The following RHBDF1 variants were observed in gnomAD, a reference collection of about 807,000 sequenced individuals.
RHBDF1 encodes the protein inactive rhomboid protein 1.
Under a neutral mutation model 98.6 loss-of-function variants are expected in RHBDF1, and 80 were observed. The ratio of observed to expected loss-of-function variants is 0.81; its 90% CI spans 0.68 to 0.98. The LOEUF (loss-of-function observed/expected upper bound fraction) is 0.98. Ranked by LOEUF, RHBDF1 falls within the 50% of genes least tolerant of loss-of-function variation. The pLI is 0.00. For missense variants in RHBDF1, 1,116 were observed against 1,198.3 expected, an observed-to-expected ratio of 0.93 and a Z score of 1.01; for synonymous variants, 512 against 486.8, an observed-to-expected ratio of 1.05 and a Z score of -0.68.
At chr16:66,895 G>A (rs1419745715) in intron 1 of RHBDF1, among the ~76,000 whole-genome samples, 1 of 152,194 alleles carries the variant, frequency 6.6e-6, no homozygotes, top group Non-Finnish European at 1.5e-5. Flanking sequence ...GGACAGAAAG[G>A]CATCCTAACT....
chr16:61,052 G>C (rs1897593715), intron 11 of RHBDF1, 68 bp downstream of exon 11: 1 of 1,466,266 alleles, frequency 6.8e-7, no homozygotes, highest in African/African-American at 1.4e-5. Flanking sequence ...ACTCTGCCGA[G>C]TCTATCTGAG....
chr16:59,225 G>A (rs376331993), intron 16 of RHBDF1, 24 bp downstream of exon 16: 209 of 1,591,104 alleles, frequency 1.3e-4, no homozygotes, highest in Non-Finnish European at 1.7e-4. Flanking sequence ...TGAGACCCCC[G>A]ACCCGGCCCA....
rs137863529 is a variant in RHBDF1 at position 67,052 on chromosome 16, G to A, written c.-24-2013C>T. ...GGGGTCACAGCTAGACTTCCTCATC[G>A]TCCCCCAGCCCTCCCTCCACAGGGT... On this transcript the variant is annotated intron_variant, in intron 1 of 17. Coordinates refer to ENST00000262316, the MANE Select transcript of RHBDF1 (RefSeq NM_022450.5). Among the ~76,000 whole-genome samples the A allele has an allele frequency of 4.3e-3, 648 of 152,220 alleles. 6 individuals carry two copies. Among genetic ancestry groups the A allele is most frequent in the African/African-American group, 0.014 (599 of 41,532 alleles).
In RHBDF1 at chr16:63,741, C is replaced by T. The variant is rs745876843; in HGVS notation, c.308G>A (p.Arg103His). ...CTGGCTGCAGTGACGGATGCTCTTG[C>T]GCTGCCATTTCTGGGTGCTGTCACT... ...KDSDSTQKWQ[R>H]KSIRHCSQRY... The change falls in exon 4 of 18, where the codon CGC (arginine) becomes CAC (histidine). Residue 103 changes from arginine (R) to histidine (H), a missense_variant. Transcript: ENST00000262316. 20 of 1,613,718 alleles carry T rather than the reference C, an allele frequency of 1.2e-5. No homozygotes were observed. Among genetic ancestry groups the T allele is most frequent in the East Asian group, 6.7e-5 (3 of 44,892 alleles).
At chr16:71,222 C>T (rs1897960340) in intron 1 of RHBDF1, among the ~76,000 whole-genome samples, 1 of 152,198 alleles carries the variant, frequency 6.6e-6, no homozygotes, top group African/African-American at 2.4e-5. Context: ...CAACGGAGGC[C>T]ACCCAGCCAG....
At chr16:72,637 A>G (rs1372556751), upstream of RHBDF1, 7 of 936,434 alleles carry the variant, frequency 7.5e-6, no homozygotes, top group Non-Finnish European at 8.6e-6. Context: ...AATGCCCTGG[A>G]GCGAGGGGCG....
At chr16:62,932 C>T (rs1447991087) in intron 5 of RHBDF1, 35 bp from the exon 6 acceptor site, 2 of 1,612,864 alleles carry the variant, frequency 1.2e-6, no homozygotes, top group South Asian at 2.2e-5. Flanking sequence ...GACCCGGCTG[C>T]TGGGTCGGCC....
In RHBDF1 at chr16:60,204, A is replaced by G; in HGVS notation, c.1722+12T>C. 4 of 1,613,826 alleles carry G rather than the reference A, an allele frequency of 2.5e-6. No individual in the cohort carries two copies. Among genetic ancestry groups the G allele is most frequent in the Non-Finnish European group, 3.4e-6 (4 of 1,179,892 alleles). On this transcript the variant is annotated intron_variant, in intron 13 of 17. Coordinates refer to ENST00000262316, the MANE Select transcript of RHBDF1 (RefSeq NM_022450.5). ...CGGAGGGCTCCCTAACAACCCCCCC[A>G]CTGCAGCTCACCGGCCACTTGGTGA...
At chr16:58,846 T>C in intron 17 of RHBDF1, 87 bp from the exon 18 acceptor site, 3 of 1,556,640 alleles carry the variant, frequency 1.9e-6, no homozygotes, top group South Asian at 1.2e-5. Flanking sequence ...CCACTTCCCA[T>C]GGCCCAGAGC....
At chr16:72,894 T>C (rs12925705), upstream of RHBDF1, among the ~76,000 whole-genome samples, 1 of 152,114 alleles carries the variant, frequency 6.6e-6, no homozygotes, top group African/African-American at 2.4e-5. Context: ...TGGCTCCAGA[T>C]TGAGGCTTGA....
upstream of RHBDF1, chr16:74,081 A>T: frequency 3.2e-6 from 1 of 316,842 alleles, no homozygotes; most frequent in Non-Finnish European, 4.6e-6. Flanking sequence ...GGTGGAGGGT[A>T]ACTCCACCAG....
At chr16:70,192 G>T (rs1454068233) in intron 1 of RHBDF1, among the ~76,000 whole-genome samples, 3 of 152,248 alleles carry the variant, frequency 2.0e-5, no homozygotes, top group Admixed American at 2.0e-4. Flanking sequence ...GGGGATGGCA[G>T]CAAGGACTTA....
In RHBDF1 at chr16:60,958, G is replaced by A. The variant is rs566580317; in HGVS notation, c.1557+162C>T. ...ACGGGGCGAGGAGCTGGAGATGGGG[G>A]AGGGTGGGGATGAGGAGGAATGAAT... On this transcript the variant is annotated intron_variant, in intron 11 of 17. Coordinates refer to ENST00000262316, the MANE Select transcript of RHBDF1 (RefSeq NM_022450.5). 27 of 722,662 alleles carry A rather than the reference G, an allele frequency of 3.7e-5. No individual in the cohort carries two copies. The African/African-American group carries it at 4.8e-4, about 13-fold the overall frequency. The allele number at this position is 722,662 out of a possible 1,614,324, so 44.8% of individuals were successfully genotyped here.
Position 63,023 on chromosome 16 carries a change from G to A in RHBDF1, c.622C>T (p.Arg208Ter), listed in dbSNP as rs1190170318. 5.6e-6 allele frequency: 9 copies of A among 1,612,090 alleles called. No homozygotes were observed. The highest frequency in any genetic ancestry group is 1.6e-4 in the Middle Eastern group (1 of 6,080). The change falls in exon 5 of 18, where the codon CGA becomes TGA. Residue 208 changes from arginine (R) to a stop codon, truncating the protein, a stop_gained. Transcript: ENST00000262316. LOFTEE classifies it high-confidence loss of function. ...AAGCTCATCTTGGCCACCGACTCTC[G>A]CTTGCGCCGCCGCGGGAGCCGGTGG... ...GFHRLPRRRK[R>*]ESVAKMSFRA... is the part of the protein sequence containing the mutation.
upstream of RHBDF1, among the ~76,000 whole-genome samples, chr16:73,102 G>A (rs1405726798): frequency 6.6e-6 from 1 of 152,066 alleles, no homozygotes; most frequent in Non-Finnish European, 1.5e-5. Context: ...CATGTGCACC[G>A]ATCACTCACA....
intron 1 of RHBDF1, among the ~76,000 whole-genome samples, chr16:68,665 G>GA (rs397710409): frequency 3.3e-5 from 5 of 152,206 alleles, no homozygotes; most frequent in South Asian, 4.2e-4. Flanking sequence ...CAGCTGGGGG[G>GA]GCTGCGGGCA....
Position 72,593 on chromosome 16 carries a change from G to A in RHBDF1, c.-105C>T. 1 of 978,676 alleles carries A rather than the reference G, an allele frequency of 1.0e-6. No homozygotes were observed. The highest frequency in any genetic ancestry group is 1.2e-6 in the Non-Finnish European group (1 of 826,044). 60.6% of individuals were successfully genotyped at this position (978,676 alleles called of 1,614,324 possible). A position where few individuals can be genotyped will look rare whatever the true frequency, so the allele number is the denominator to read the frequency against. On this transcript the variant is annotated 5_prime_UTR_variant, in exon 1 of 18. Transcript: ENST00000262316. ...CGCTGGCCGGGAGGGCCCGCGCCGAGTCCCCGCCCGCCCGCCGGTCCGGCC... is the reference window on the plus strand; with the variant it reads ...CGCTGGCCGGGAGGGCCCGCGCCGAATCCCCGCCCGCCCGCCGGTCCGGCC...
upstream of RHBDF1, among the ~76,000 whole-genome samples, chr16:72,951 C>T (rs1340665108): frequency 1.3e-5 from 2 of 152,148 alleles, no homozygotes; most frequent in Admixed American, 1.3e-4. Flanking sequence ...GGAGGGAGAG[C>T]AGGCACGGGG....
At chr16:64,060 CTGAGGGGCAGT>C in intron 3 of RHBDF1, 2 of 653,198 alleles carry the variant, frequency 3.1e-6, no homozygotes, top group Non-Finnish European at 5.5e-6. Context: ...CCCACCATCC[CTGAGGGGCAGT>C]TGAGGGGAGG....
Sources: gnomAD v4.1 joint callset for allele counts (sites outside exome capture counted in the v4.1 genomes callset) on GRCh38, gnomAD v4.1.1 for gene constraint, MANE v1.5 for transcripts, NCBI Gene and HGNC (gene_info 2026-07-23, HGNC 2026-07-21) for gene names.